CDH23: variants seen among roughly 807,000 people sequenced by gnomAD.
CDH23 encodes the protein cadherin related 23.
CDH23 carries 189 observed loss-of-function variants against 317.1 expected under a neutral mutation model. That is an observed-to-expected ratio of 0.60 (90% confidence interval 0.53 to 0.67). CDH23 has a LOEUF of 0.67. Ranked by LOEUF, CDH23 falls within the 30% of genes least tolerant of loss-of-function variation. The pLI, the probability that CDH23 is intolerant of heterozygous loss-of-function variation, is 0.00. For missense variants in CDH23, 4,401 were observed against 4,592.4 expected, an observed-to-expected ratio of 0.96 and a Z score of 1.20; for synonymous variants, 1,839 against 1,876.8, an observed-to-expected ratio of 0.98 and a Z score of 0.52.
In CDH23 at chr10:71,725,524, A is replaced by G. The variant is rs1203811589; in HGVS notation, c.3579+4A>G. The stretch of plus-strand genomic sequence containing the variant: ...CCCCATGCGGAGCTCCGTCAGGGTG[A>G]GGCTAGGGGCGGGCTGGGGTGCTGA... On this transcript the variant is annotated splice_donor_region_variant and intron_variant, in intron 30 of 69. Coordinates refer to ENST00000224721, the MANE Select transcript of CDH23 (RefSeq NM_022124.6). 1 of 1,611,844 alleles carries G rather than the reference A, an allele frequency of 6.2e-7. No individual in the cohort carries two copies. Among genetic ancestry groups the G allele is most frequent in the Non-Finnish European group, 8.5e-7 (1 of 1,178,824 alleles).
intron 38 of CDH23, among the ~76,000 whole-genome samples, chr10:71,769,031 CCTT>C (rs1172804823): frequency 6.6e-6 from 1 of 152,208 alleles, no homozygotes; most frequent in Non-Finnish European, 1.5e-5. Flanking sequence ...GGCCCCACCT[CCTT>C]CTTGAAGACG....
intron 38 of CDH23, among the ~76,000 whole-genome samples, chr10:71,755,730 G>A (rs1840125862): frequency 6.6e-6 from 1 of 152,190 alleles, no homozygotes; most frequent in African/African-American, 2.4e-5. Flanking sequence ...CCAGGCAAGA[G>A]AGGGAACAGA....
chr10:71,721,512 A>C (rs190457813), intron 28 of CDH23, among the ~76,000 whole-genome samples: 33 of 152,338 alleles, frequency 2.2e-4, no homozygotes, highest in Admixed American at 7.8e-4. Context: ...CTGAGGCTCA[A>C]GGGGGCTAAA....
At chr10:71,501,948 T>C (rs1853360701) in intron 3 of CDH23, among the ~76,000 whole-genome samples, 1 of 152,174 alleles carries the variant, frequency 6.6e-6, no homozygotes, top group Admixed American at 6.5e-5. Context: ...ACCCTGGCCA[T>C]ACCCGTGGCC....
chr10:71,641,524 G>A (rs1048072548), intron 11 of CDH23, among the ~76,000 whole-genome samples: 9 of 152,150 alleles, frequency 5.9e-5, no homozygotes, highest in Non-Finnish European at 1.0e-4. Flanking sequence ...TCCACACTCC[G>A]TGCCTTTGCT....
chr10:71,772,353 C>T (rs1840704988), intron 38 of CDH23, among the ~76,000 whole-genome samples: 1 of 152,238 alleles, frequency 6.6e-6, no homozygotes, highest in South Asian at 2.1e-4. Flanking sequence ...CCACCTCCCT[C>T]CTGCCTCCCT....
At chr10:71,618,100 T>C (rs1245631768) in intron 11 of CDH23, among the ~76,000 whole-genome samples, 3 of 152,220 alleles carry the variant, frequency 2.0e-5, no homozygotes, top group Non-Finnish European at 4.4e-5. Flanking sequence ...CCTGTTCAAA[T>C]AATGACCTTA....
intron 20 of CDH23, among the ~76,000 whole-genome samples, chr10:71,693,052 C>T (rs1235237717): frequency 3.9e-5 from 6 of 152,212 alleles, no homozygotes; most frequent in Admixed American, 3.9e-4. Flanking sequence ...AATCAGAATT[C>T]AAATCCACAT....
intron 19 of CDH23, among the ~76,000 whole-genome samples, chr10:71,688,003 A>G (rs370233465): frequency 1.3e-5 from 2 of 152,238 alleles, no homozygotes; most frequent in African/African-American, 4.8e-5. Flanking sequence ...ATAATGATCC[A>G]TGATTAATTA....
chr10:71,716,011 G>A (rs372569998), intron 28 of CDH23: 130 of 1,500,722 alleles, frequency 8.7e-5, no homozygotes, highest in East Asian at 7.7e-4. Flanking sequence ...GTCGAGGGAC[G>A]GTGGGCCGGC....
chr10:71,677,175 C>A (rs1456052956), intron 15 of CDH23, among the ~76,000 whole-genome samples: 1 of 152,188 alleles, frequency 6.6e-6, no homozygotes, highest in Non-Finnish European at 1.5e-5. Flanking sequence ...TAGGTAGGAA[C>A]TCCTGTTCAT....
chr10:71,472,785 A>G (rs1442916559), intron 3 of CDH23, among the ~76,000 whole-genome samples: 1 of 152,198 alleles, frequency 6.6e-6, no homozygotes, highest in African/African-American at 2.4e-5. Flanking sequence ...CCCTTTATCT[A>G]TTAAGCCTGC....
chr10:71,786,755 C>A (rs1218811175), intron 44 of CDH23, among the ~76,000 whole-genome samples: 3 of 152,176 alleles, frequency 2.0e-5, no homozygotes, highest in Non-Finnish European at 2.9e-5. Context: ...GCCTCAGCCT[C>A]CCAAAGTGCT....
chr10:71,588,265 C>A (rs1321122224), intron 9 of CDH23, among the ~76,000 whole-genome samples: 1 of 152,158 alleles, frequency 6.6e-6, no homozygotes, highest in Non-Finnish European at 1.5e-5. Flanking sequence ...ATGTGCCTGC[C>A]ACGGGCAAGG....
At chr10:71,739,874 T>C (rs1003680148) in intron 36 of CDH23, 102 bp downstream of exon 36, 3 of 1,345,880 alleles carry the variant, frequency 2.2e-6, no homozygotes, top group African/African-American at 2.9e-5. Flanking sequence ...CACACTCTGG[T>C]GGTCAGTGCC....
chr10:71,630,436 A>G (rs1861951525), intron 11 of CDH23, among the ~76,000 whole-genome samples: 2 of 151,984 alleles, frequency 1.3e-5, no homozygotes, highest in African/African-American at 4.8e-5. Flanking sequence ...GGGCCTGTGG[A>G]GGGTGAGGAG....
intron 28 of CDH23, chr10:71,717,176 G>T (rs917256800): frequency 6.6e-6 from 1 of 152,298 alleles, no homozygotes; most frequent in African/African-American, 2.4e-5. Flanking sequence ...TTTTAGAGGT[G>T]GGGAGTGACA....
chr10:71,790,158 C>T (rs936049206), intron 45 of CDH23, 130 bp from the exon 46 acceptor site: 1 of 1,318,916 alleles, frequency 7.6e-7, no homozygotes, highest in African/African-American at 1.5e-5. Context: ...CCAGGGCCTC[C>T]CCACCCTGTC....
intron 3 of CDH23, among the ~76,000 whole-genome samples, chr10:71,450,457 G>A (rs147671563): frequency 0.014 from 2,150 of 151,952 alleles, 78 homozygotes; most frequent in East Asian, 0.12. Flanking sequence ...TAGTAGAGAC[G>A]GGGTTTCACC....
Sources: allele counts gnomAD v4.1 joint callset (sites outside exome capture counted in the v4.1 genomes callset), GRCh38; gene constraint gnomAD v4.1.1; transcripts MANE v1.5; gene names NCBI Gene and HGNC (gene_info 2026-07-23, HGNC 2026-07-21).